The following ELOVL6 variants were observed in gnomAD, a reference collection of about 807,000 sequenced individuals.
The protein encoded by ELOVL6 is ELOVL fatty acid elongase 6, also known as very long chain fatty acid elongase 6.
A neutral mutation model predicts 31.7 loss-of-function variants in ELOVL6; 8 were observed. The ratio of observed to expected loss-of-function variants is 0.25; its 90% CI spans 0.15 to 0.45. The LOEUF is 0.45. Ranked by LOEUF, ELOVL6 falls within the 20% of genes least tolerant of loss-of-function variation. The pLI is 1.00. For synonymous variants in ELOVL6, 101 were observed against 117.7 expected (o/e 0.86, Z 0.92); for missense variants, 126 against 326.4 (o/e 0.39, Z 4.73).
chr4:110,160,865 C>T (rs1031174487), intron 1 of ELOVL6, among the ~76,000 whole-genome samples: 3 of 152,236 alleles, frequency 2.0e-5, no homozygotes, highest in Admixed American at 6.5e-5. Flanking sequence ...GCATCTCACA[C>T]ACTGACTGAC....
chr4:110,076,525 C>T (rs1246216387), intron 2 of ELOVL6, among the ~76,000 whole-genome samples: 3 of 152,060 alleles, frequency 2.0e-5, no homozygotes. Context: ...CTTGCTTTTC[C>T]ATATGAAAAA....
At chr4:110,162,469 T>C (rs899666977) in intron 1 of ELOVL6, among the ~76,000 whole-genome samples, 4 of 152,128 alleles carry the variant, frequency 2.6e-5, no homozygotes, top group African/African-American at 9.7e-5. Flanking sequence ...ACCTCAGCCT[T>C]CTGAGTTGTT....
chr4:110,084,518 C>T (rs111824375), intron 2 of ELOVL6, among the ~76,000 whole-genome samples: 33,713 of 58,382 alleles, frequency 0.58, 10,408 homozygotes, highest in African/African-American at 0.71. Flanking sequence ...TATGTGTATA[C>T]ATTATATACA....
At chr4:110,133,736 T>C (rs977966582) in intron 1 of ELOVL6, among the ~76,000 whole-genome samples, 2 of 152,198 alleles carry the variant, frequency 1.3e-5, no homozygotes, top group Non-Finnish European at 2.9e-5. Flanking sequence ...AAAATTAAGA[T>C]ATGAAAGAAA....
chr4:110,126,017 C>A (rs183506271), intron 1 of ELOVL6, among the ~76,000 whole-genome samples: 1 of 152,032 alleles, frequency 6.6e-6, no homozygotes, highest in East Asian at 1.9e-4. Flanking sequence ...ACTGATTTGG[C>A]CCCAGTGATG....
intron 1 of ELOVL6, among the ~76,000 whole-genome samples, chr4:110,192,255 T>C (rs1265474479): frequency 2.0e-5 from 3 of 151,576 alleles, no homozygotes; most frequent in African/African-American, 7.3e-5. Context: ...CAAGGAAGTA[T>C]ATAAGGCAAC....
chr4:110,049,366 T>A lies in ELOVL6; in HGVS notation c.*1972A>T, dbSNP rs1293838117. The A allele has an allele frequency of 6.6e-6, 1 of 152,590 alleles. No homozygotes were observed. Among genetic ancestry groups the A allele is most frequent in the Non-Finnish European group, 1.5e-5 (1 of 68,054 alleles). 9.5% of individuals were successfully genotyped at this position (152,590 alleles called of 1,614,324 possible). On this transcript the variant is annotated 3_prime_UTR_variant, in exon 4 of 4. Coordinates refer to ENST00000302274, the MANE Select transcript of ELOVL6 (RefSeq NM_024090.3). ...GACTTGGTTTGCATGGATTCTTTGT[T>A]CACTGCTCAAACCATTCACACAGAA...
chr4:110,067,154 TTTC>T (rs1289562115), intron 2 of ELOVL6, among the ~76,000 whole-genome samples: 14 of 152,214 alleles, frequency 9.2e-5, no homozygotes, highest in Admixed American at 8.5e-4. Flanking sequence ...TTCTGATAGT[TTTC>T]TTCCTCTACT....
At chr4:110,078,042 A>G (rs1037552257) in intron 2 of ELOVL6, among the ~76,000 whole-genome samples, 1 of 152,206 alleles carries the variant, frequency 6.6e-6, no homozygotes, top group Admixed American at 6.5e-5. Flanking sequence ...TTAGAGAAAA[A>G]AGAATAAAAA....
At chr4:110,145,887 A>C (rs1170936492) in intron 1 of ELOVL6, among the ~76,000 whole-genome samples, 2 of 152,220 alleles carry the variant, frequency 1.3e-5, no homozygotes, top group African/African-American at 4.8e-5. Flanking sequence ...GAATCTTCCT[A>C]AGACTATAAT....
At chr4:110,150,772 G>A (rs111967618) in intron 1 of ELOVL6, among the ~76,000 whole-genome samples, 2,174 of 152,210 alleles carry the variant, frequency 0.014, 50 homozygotes, top group African/African-American at 0.05. Context: ...GCCGGGCACG[G>A]TGGCTCAGGC....
chr4:110,193,944 C>T (rs560966212), intron 1 of ELOVL6, among the ~76,000 whole-genome samples: 1 of 152,290 alleles, frequency 6.6e-6, no homozygotes, highest in South Asian at 2.1e-4. Context: ...TCAGCACAGG[C>T]CTCCTGCTTT....
intron 1 of ELOVL6, among the ~76,000 whole-genome samples, chr4:110,188,308 G>C (rs1302475787): frequency 6.6e-6 from 1 of 152,202 alleles, no homozygotes; most frequent in Non-Finnish European, 1.5e-5. Context: ...AGAGACATTT[G>C]TGAGATCATT....
chr4:110,151,510 T>C (rs1375223117), intron 1 of ELOVL6, among the ~76,000 whole-genome samples: 1 of 152,174 alleles, frequency 6.6e-6, no homozygotes, highest in African/African-American at 2.4e-5. Context: ...ATGTTCAATT[T>C]GTACCATTGT....
In ELOVL6 at chr4:110,168,691, G is replaced by A. The variant is rs1025475563; in HGVS notation, c.89+29556C>T. 4.6e-5 allele frequency among the ~76,000 whole-genome samples: 7 copies of A among 152,148 alleles called. No individual in the cohort carries two copies. The South Asian group carries it at 8.3e-4, about 18-fold the overall frequency. ...TGTAATTTTCCCAGTAGGTGCTGAC[G>A]TCATAAGCCAAAGCAGGAGAGACCC... On this transcript the variant is annotated intron_variant, in intron 1 of 3. Coordinates refer to ENST00000302274, the MANE Select transcript of ELOVL6 (RefSeq NM_024090.3).
intron 1 of ELOVL6, among the ~76,000 whole-genome samples, chr4:110,190,791 C>T (rs559688173): frequency 2.2e-3 from 327 of 151,740 alleles, no homozygotes; most frequent in South Asian, 5.6e-3. Flanking sequence ...AAGTATAAGC[C>T]ACCATGCCCG....
intron 1 of ELOVL6, among the ~76,000 whole-genome samples, chr4:110,195,739 G>A (rs1018563967): frequency 2.0e-5 from 3 of 152,152 alleles, no homozygotes; most frequent in African/African-American, 7.2e-5. Context: ...GGGTATTAAC[G>A]AGTAGTGCTG....
intron 1 of ELOVL6, among the ~76,000 whole-genome samples, chr4:110,171,523 A>G (rs1414937859): frequency 6.6e-6 from 1 of 152,052 alleles, no homozygotes; most frequent in African/African-American, 2.4e-5. Context: ...TGAAGTCTCC[A>G]TAAGAAGCTC....
Position 110,100,807 on chromosome 4 carries a change from C to T in ELOVL6, c.221+4690G>A, listed in dbSNP as rs372353740. Among the ~76,000 whole-genome samples, 6 of 152,292 alleles carry T rather than the reference C, an allele frequency of 3.9e-5. No individual in the cohort carries two copies. In the South Asian group the frequency reaches 6.2e-4, roughly 16 times the overall value. On this transcript the variant is annotated intron_variant, in intron 2 of 3. Coordinates refer to ENST00000302274, the MANE Select transcript of ELOVL6 (RefSeq NM_024090.3). The stretch of plus-strand genomic sequence containing the variant: ...ACGGGGAGATGGAGTGGGCGATAGG[C>T]CCTTGGGCCATCACCTCATTGCAGA...
Sources: allele counts gnomAD v4.1 joint callset (sites outside exome capture counted in the v4.1 genomes callset), GRCh38; gene constraint gnomAD v4.1.1; transcripts MANE v1.5; gene names NCBI Gene and HGNC (gene_info 2026-07-23, HGNC 2026-07-21).